The following RYR1 variants were observed in gnomAD, a reference collection of about 807,000 sequenced individuals.
RYR1 encodes central core disease of muscle.
Under a neutral mutation model 583.5 loss-of-function variants are expected in RYR1, and 342 were observed. That is an observed-to-expected ratio of 0.59 (90% CI 0.54 to 0.64). The LOEUF is 0.64. RYR1 is among the 30% of genes least tolerant of loss of function. The pLI, the probability that RYR1 is intolerant of heterozygous loss-of-function variation, is 0.00. For missense variants in RYR1, 6,032 were observed against 6,917.2 expected (o/e 0.87, Z 4.54); for synonymous variants, 2,791 against 2,822.5 (o/e 0.99, Z 0.35).
At chr19:38,481,980 T>C (rs1027840072) in intron 31 of RYR1, among the ~76,000 whole-genome samples, 1 of 151,668 alleles carries the variant, frequency 6.6e-6, no homozygotes, top group South Asian at 2.1e-4. Context: ...CCCAGCTACT[T>C]GGGAGGCTGA....
intron 84 of RYR1, among the ~76,000 whole-genome samples, chr19:38,541,881 G>C (rs1054623959): frequency 6.6e-6 from 1 of 151,700 alleles, no homozygotes; most frequent in Non-Finnish European, 1.5e-5. Context: ...CCAGGAGTTC[G>C]AGACCAGCCT....
intron 64 of RYR1, among the ~76,000 whole-genome samples, chr19:38,515,748 C>T (rs574517283): frequency 6.6e-6 from 1 of 152,210 alleles, no homozygotes; most frequent in South Asian, 2.1e-4. Flanking sequence ...GCCTGAGCAG[C>T]ATAGGGAGAC....
intron 66 of RYR1, 110 bp from the exon 67 acceptor site, chr19:38,519,104 A>G: frequency 6.3e-7 from 1 of 1,578,966 alleles, no homozygotes; most frequent in Non-Finnish European, 8.7e-7. Context: ...GGCTGGGGTC[A>G]AATGGCAGCT....
Position 38,528,951 on chromosome 19 carries a change from A to C in RYR1, c.11035A>C (p.Lys3679Gln). Reference protein sequence around the residue: ...FEDRMIDDLSKAGEQEEEEEE... With the variant: ...FEDRMIDDLSQAGEQEEEEEE... ...CCCCAAGTCTCCCCTCTCCCACCAG[A>C]AAGCTGGGGAGCAGGAGGAGGAGGA... Residue 3679 changes from lysine to glutamine, a missense_variant and splice_region_variant, in exon 76 of 106, where the codon AAA (lysine) becomes CAA (glutamine). This residue lies in a region of RYR1 where 1,493 missense variants were observed against 1,715.5 expected (regional missense o/e 0.87). Transcript: ENST00000359596. 1 of 1,607,260 alleles carries C rather than the reference A, an allele frequency of 6.2e-7. No individual in the cohort carries two copies. The highest frequency in any genetic ancestry group is 1.1e-5 in the South Asian group (1 of 89,908).
intron 94 of RYR1, 46 bp downstream of exon 94, chr19:38,570,739 G>A (rs1248985769): frequency 6.8e-7 from 1 of 1,467,236 alleles, no homozygotes. Context: ...TTTCCATGCT[G>A]TGGGATGGGA....
rs775077892 is a variant in RYR1, at chr19:38,455,323, C to T, written c.1529C>T (p.Ala510Val). 1 of 1,614,098 alleles carries T rather than the reference C, an allele frequency of 6.2e-7. No homozygotes were observed. The highest frequency in any genetic ancestry group is 8.5e-7 in the Non-Finnish European group (1 of 1,180,008). Reference protein sequence around the residue: ...AHFAEFAGEEAAESWKEIVNL... With the variant: ...AHFAEFAGEEVAESWKEIVNL... ...TTTGCTGAGTTTGCAGGGGAGGAGG[C>T]AGCCGAGTCCTGGAAAGAGATTGTG... Residue 510 changes from alanine (A) to valine (V), a missense_variant, in exon 14 of 106, where the codon GCA becomes GTA. Coordinates refer to ENST00000359596, the MANE Select transcript of RYR1 (RefSeq NM_000540.3).
chr19:38,492,090 G>C (rs1415947360), intron 37 of RYR1, among the ~76,000 whole-genome samples: 2 of 152,170 alleles, frequency 1.3e-5, no homozygotes, highest in East Asian at 3.8e-4. Context: ...GGCCAGGGGT[G>C]GTGGCTCATG....
Position 38,567,323 on chromosome 19 carries a change from G to A in RYR1, c.13514+336G>A, listed in dbSNP as rs964809345. On this transcript the variant is annotated intron_variant, in intron 92 of 105. Coordinates refer to ENST00000359596, the MANE Select transcript of RYR1 (RefSeq NM_000540.3). ...CCTGGGTGACAGAGCAAGACCCTGT[G>A]TCGAAAAAGAAAAAAAAATATGGAG... Among the ~76,000 whole-genome samples, 4 of 151,934 alleles carry A rather than the reference G, an allele frequency of 2.6e-5. No homozygotes were observed. In the South Asian group the frequency reaches 8.3e-4, roughly 32 times the overall value.
At chr19:38,461,301 A>G (rs978185936) in intron 20 of RYR1, among the ~76,000 whole-genome samples, 1 of 152,204 alleles carries the variant, frequency 6.6e-6, no homozygotes, top group African/African-American at 2.4e-5. Context: ...ACAAATTTAG[A>G]CAATTTTTTA....
chr19:38,434,930 G>A (rs1972359961), intron 1 of RYR1, among the ~76,000 whole-genome samples: 1 of 152,190 alleles, frequency 6.6e-6, no homozygotes, highest in South Asian at 2.1e-4. Context: ...TCCTGGGAGA[G>A]AGGAACAAAC....
intron 2 of RYR1, among the ~76,000 whole-genome samples, chr19:38,441,166 G>T (rs537396518): frequency 6.6e-6 from 1 of 150,460 alleles, no homozygotes; most frequent in Non-Finnish European, 1.5e-5. Flanking sequence ...AGAAAGCCTC[G>T]GGTTTAAGGG....
Position 38,505,823 on chromosome 19 carries a change from C to G in RYR1, c.8418C>G (p.Arg2806=). The G allele has an allele frequency of 6.2e-7, 1 of 1,614,178 alleles. No homozygotes were observed. The highest frequency in any genetic ancestry group is 8.5e-7 in the Non-Finnish European group (1 of 1,180,040). ...TFSEKDKEIY[R]WPIKESLKAM... is the part of the protein sequence containing the mutation. ...CACCCCAGGACAAAGAGATTTACCG[C>G]TGGCCCATCAAGGAGTCCCTGAAGG... is the stretch of plus-strand genomic sequence containing the variant. Residue 2806 remains arginine (R), a synonymous_variant, in exon 54 of 106, where the codon CGC becomes CGG. Transcript: ENST00000359596.
In RYR1 at chr19:38,537,151, A is replaced by G. The variant is rs1972007439; in HGVS notation, c.11608+384A>G. On this transcript the variant is annotated intron_variant, in intron 83 of 105. Transcript: ENST00000359596. The stretch of plus-strand genomic sequence containing the variant: ...CACCTACTCTGCTCTCTGCACCCCG[A>G]CCTCAGATTGGTCAGTCAGCGTTTC... 7 of 301,284 alleles carry G rather than the reference A, an allele frequency of 2.3e-5. No homozygotes were observed. The South Asian group carries it at 3.4e-4, about 14-fold the overall frequency. The allele number at this position is 301,284 out of a possible 1,614,324, so 18.7% of individuals were successfully genotyped here.
chr19:38,502,764 G>C (rs1159685091), intron 48 of RYR1, 37 bp downstream of exon 48: 3 of 773,568 alleles, frequency 3.9e-6, no homozygotes, highest in Admixed American at 5.1e-5. Context: ...GGCAGGGGCA[G>C]GGGCAGGGGC....
chr19:38,483,599 A>G lies in RYR1; in HGVS notation c.4934+83A>G. ...GGGTCCCACTCAGTGCCCCTCCTCA[A>G]CACAACCCCGGGATTCCAGACTACA... is the stretch of plus-strand genomic sequence containing the variant. On this transcript the variant is annotated intron_variant, in intron 33 of 105. Coordinates refer to ENST00000359596, the MANE Select transcript of RYR1 (RefSeq NM_000540.3). The surrounding 1 kb of genome is among the most constrained non-coding windows in gnomAD (Gnocchi z 6.3). 1.6e-6 allele frequency: 2 copies of G among 1,238,318 alleles called. No homozygotes were observed. The highest frequency in any genetic ancestry group is 2.3e-6 in the Non-Finnish European group (2 of 880,098). 76.7% of individuals were successfully genotyped at this position (1,238,318 alleles called of 1,614,324 possible).
At chr19:38,551,025 C>CATTTTT (rs1972641767) in intron 89 of RYR1, among the ~76,000 whole-genome samples, 1 of 41,312 alleles carries the variant, frequency 2.4e-5, no homozygotes, top group Non-Finnish European at 4.6e-5. Context: ...GGATTCACGG[C>CATTTTT]TTTTTTTTTT....
In RYR1 at chr19:38,433,772, C is replaced by T; in HGVS notation, c.-58C>T. ...CCCGCCCCCAGCCCTCCCGCCCAGC[C>T]CGCAGCCCCCTCCCTCTGTTCCCCG... On this transcript the variant is annotated 5_prime_UTR_variant, in exon 1 of 106. Transcript: ENST00000359596. 9.9e-7 allele frequency: 1 copy of T among 1,006,274 alleles called. No homozygotes were observed. The highest frequency in any genetic ancestry group is 1.6e-6 in the Non-Finnish European group (1 of 629,306). 62.3% of individuals were successfully genotyped at this position (1,006,274 alleles called of 1,614,324 possible).
intron 58 of RYR1, among the ~76,000 whole-genome samples, chr19:38,510,092 G>A (rs996239000): frequency 6.6e-6 from 1 of 152,110 alleles, no homozygotes; most frequent in Admixed American, 6.6e-5. Flanking sequence ...AGGTTGAGGC[G>A]GGTGGATCAC....
At chr19:38,509,049 A>C (rs1970606934) in intron 58 of RYR1, among the ~76,000 whole-genome samples, 1 of 147,800 alleles carries the variant, frequency 6.8e-6, no homozygotes, top group Non-Finnish European at 1.5e-5. Context: ...TCCCTTAGAG[A>C]CCCCCCCCAG....
Sources: gnomAD v4.1 joint callset for allele counts (sites outside exome capture counted in the v4.1 genomes callset) on GRCh38, gnomAD v4.1.1 for gene constraint, gnomAD v4.1.1 regional missense constraint, Gnocchi (gnomAD v3.1) non-coding constraint, MANE v1.5 for transcripts, NCBI Gene and HGNC (gene_info 2026-07-23, HGNC 2026-07-21) for gene names.